The following PRKCH variants were observed in gnomAD, a reference collection of about 807,000 sequenced individuals.
The protein encoded by PRKCH is protein kinase C eta type.
Under a neutral mutation model 82.5 loss-of-function variants are expected in PRKCH, and 28 were observed. That is an observed-to-expected ratio of 0.34 (90% CI 0.25 to 0.47). The LOEUF (loss-of-function observed/expected upper bound fraction) is 0.47. Ranked by LOEUF, PRKCH falls within the 20% of genes least tolerant of loss-of-function variation. The probability of loss-of-function intolerance (pLI) is 1.00; values close to 1 mark genes in which losing one functional copy is unlikely to be tolerated. For missense variants in PRKCH, 705 were observed against 881.8 expected, an observed-to-expected ratio of 0.80 and a Z score of 2.54; for synonymous variants, 322 against 327.4, an observed-to-expected ratio of 0.98 and a Z score of 0.18.
upstream of PRKCH, among the ~76,000 whole-genome samples, chr14:61,317,063 TG>T (rs1427935373): frequency 6.6e-5 from 10 of 152,314 alleles, no homozygotes; most frequent in African/African-American, 2.4e-4. Context: ...ACGTCAAACG[TG>T]TGACTTCAAT....
intron 11 of PRKCH, among the ~76,000 whole-genome samples, chr14:61,529,656 CA>C (rs2043018260): frequency 6.8e-6 from 1 of 147,192 alleles, no homozygotes; most frequent in Non-Finnish European, 1.5e-5. Context: ...ATCGCAAGAA[CA>C]AAAAACCAAA....
intron 1 of PRKCH, among the ~76,000 whole-genome samples, chr14:61,288,078 A>G (rs1303430471): frequency 6.6e-6 from 1 of 152,206 alleles, no homozygotes; most frequent in African/African-American, 2.4e-5. Context: ...GAGCAAAGCC[A>G]TATATTCTAA....
At chr14:61,351,081 A>G (rs200420674) in intron 1 of PRKCH, among the ~76,000 whole-genome samples, 10 of 152,208 alleles carry the variant, frequency 6.6e-5, no homozygotes, top group Non-Finnish European at 1.5e-4. Context: ...CAATCATTTC[A>G]TATAACGTTA....
chr14:61,299,375 T>C (rs184312184), intron 1 of PRKCH, among the ~76,000 whole-genome samples: 20 of 152,310 alleles, frequency 1.3e-4, no homozygotes, highest in Admixed American at 2.6e-4. Context: ...GAAGGTCATA[T>C]ATACCAGTTA....
intron 1 of PRKCH, among the ~76,000 whole-genome samples, chr14:61,349,361 A>G (rs1277222090): frequency 6.6e-6 from 1 of 152,148 alleles, no homozygotes; most frequent in Admixed American, 6.5e-5. Context: ...AGTCCTGTTG[A>G]GGTAGATATT....
intron 10 of PRKCH, 31 bp from the exon 11 acceptor site, chr14:61,529,044 C>T: frequency 6.4e-7 from 1 of 1,552,380 alleles, no homozygotes; most frequent in Non-Finnish European, 8.7e-7. Flanking sequence ...GTCTGGCTGC[C>T]CTATCTCGTG....
At chr14:61,372,554 G>A (rs2046376076) in intron 1 of PRKCH, among the ~76,000 whole-genome samples, 1 of 151,936 alleles carries the variant, frequency 6.6e-6, no homozygotes, top group East Asian at 1.9e-4. Flanking sequence ...TTGTTAACTT[G>A]TATCCCTTAT....
chr14:61,531,429 AG>A (rs566275799), intron 12 of PRKCH, among the ~76,000 whole-genome samples: 30 of 152,354 alleles, frequency 2.0e-4, no homozygotes, highest in African/African-American at 7.0e-4. Context: ...ACTATCCTTA[AG>A]TTATATCCTT....
At chr14:61,547,928 A>T (rs2140045164) in intron 13 of PRKCH, 42 bp downstream of exon 13, 1 of 1,596,346 alleles carries the variant, frequency 6.3e-7, no homozygotes, top group East Asian at 2.2e-5. Flanking sequence ...CTTTCTTCAG[A>T]TGTCACAGCA....
intron 10 of PRKCH, among the ~76,000 whole-genome samples, chr14:61,501,445 T>TA (rs946298724): frequency 2.4e-4 from 36 of 148,538 alleles, no homozygotes; most frequent in Admixed American, 4.0e-4. Flanking sequence ...TTAATCCCAT[T>TA]AAAAAAAAAA....
intron 1 of PRKCH, among the ~76,000 whole-genome samples, chr14:61,209,704 A>C (rs1175126029): frequency 6.6e-6 from 1 of 152,106 alleles, no homozygotes; most frequent in Non-Finnish European, 1.5e-5. Flanking sequence ...GATTTGTTAC[A>C]TGGGTATATA....
intron 1 of PRKCH, among the ~76,000 whole-genome samples, chr14:61,390,124 G>A (rs934597390): frequency 1.3e-5 from 2 of 152,174 alleles, no homozygotes; most frequent in Non-Finnish European, 1.5e-5. Context: ...AAGGCTTAGA[G>A]GTGTTCATGG....
At chr14:61,328,026 G>A (rs1449796416) in intron 1 of PRKCH, among the ~76,000 whole-genome samples, 3 of 151,748 alleles carry the variant, frequency 2.0e-5, no homozygotes, top group African/African-American at 4.8e-5. Context: ...CGAGGCGGGT[G>A]GATCATGAGG....
intron 10 of PRKCH, among the ~76,000 whole-genome samples, chr14:61,506,332 A>G (rs953674880): frequency 1.1e-4 from 16 of 152,154 alleles, no homozygotes. Context: ...GTGAGTCAGC[A>G]GGAGGAACTT....
chr14:61,391,312 T>C (rs377655627), intron 2 of PRKCH, 24 bp downstream of exon 2: 2 of 1,567,494 alleles, frequency 1.3e-6, no homozygotes, highest in Non-Finnish European at 1.7e-6. Flanking sequence ...TTGGGTAGTT[T>C]CCAGAATACA....
intron 9 of PRKCH, among the ~76,000 whole-genome samples, chr14:61,478,561 C>G (rs1476812648): frequency 2.0e-5 from 3 of 152,138 alleles, no homozygotes; most frequent in Non-Finnish European, 4.4e-5. Context: ...AATAAGGAAA[C>G]TTCTTACCCC....
At chr14:61,191,518 C>A (rs956214523) in intron 1 of PRKCH, among the ~76,000 whole-genome samples, 14 of 152,144 alleles carry the variant, frequency 9.2e-5, no homozygotes, top group Admixed American at 2.0e-4. Context: ...ACTAAAGATA[C>A]AAAAGTTAGC....
intron 1 of PRKCH, among the ~76,000 whole-genome samples, chr14:61,253,288 G>T (rs1196126498): frequency 6.6e-6 from 1 of 152,218 alleles, no homozygotes; most frequent in Non-Finnish European, 1.5e-5. Flanking sequence ...CTAATTGCCT[G>T]CCAGTGTTGC....
Position 61,239,026 on chromosome 14 carries a change from C to T in PRKCH, c.-19+51358C>T, listed in dbSNP as rs148258437. 1.3e-4 allele frequency among the ~76,000 whole-genome samples: 20 copies of T among 152,284 alleles called. No individual in the cohort carries two copies. In the East Asian group the frequency reaches 2.1e-3, roughly 16 times the overall value. On this transcript the variant is annotated intron_variant, in intron 1 of 3. Coordinates refer to the PRKCH transcript ENST00000555185. ...GCTGTAACTGGAGTGTTCCAATTAG[C>T]ATTTCTAGGTGGAGTCAGGCAATCT...
Sources: gnomAD v4.1 joint callset for allele counts (sites outside exome capture counted in the v4.1 genomes callset) on GRCh38, gnomAD v4.1.1 for gene constraint, MANE v1.5 for transcripts, NCBI Gene and HGNC (gene_info 2026-07-23, HGNC 2026-07-21) for gene names.